FTO: variants seen among roughly 807,000 people sequenced by gnomAD.
FTO encodes the protein FTO alpha-ketoglutarate dependent dioxygenase, also known as alpha-ketoglutarate-dependent dioxygenase FTO.
In FTO, 47 loss-of-function variants were observed where a neutral mutation model predicts 63.9. The observed-to-expected ratio is 0.74, with a 90% confidence interval of 0.58 to 0.94. FTO has a LOEUF of 0.94. FTO is among the 40% of genes least tolerant of loss of function. FTO has a pLI of 0.00. For missense variants in FTO, 562 were observed against 618.1 expected, an observed-to-expected ratio of 0.91 and a Z score of 0.96; for synonymous variants, 207 against 224.4, an observed-to-expected ratio of 0.92 and a Z score of 0.69.
intron 7 of FTO, among the ~76,000 whole-genome samples, chr16:53,890,818 C>T (rs1224466958): frequency 1.3e-5 from 2 of 152,262 alleles, no homozygotes; most frequent in Admixed American, 1.3e-4. Context: ...GCTTCAATTT[C>T]AGGGCAACAT....
At chr16:54,051,055 CA>C (rs1567540397) in intron 8 of FTO, among the ~76,000 whole-genome samples, 2 of 152,144 alleles carry the variant, frequency 1.3e-5, no homozygotes, top group African/African-American at 2.4e-5. Context: ...TTTTCCTCTA[CA>C]AAAAGCGTTA....
intron 8 of FTO, among the ~76,000 whole-genome samples, chr16:54,095,487 C>G (rs1035805687): frequency 1.3e-5 from 2 of 151,368 alleles, no homozygotes; most frequent in African/African-American, 2.4e-5. Flanking sequence ...GAACACTTAT[C>G]TCTAGCAGAA....
At chr16:54,109,625 G>A (rs1039948714) in intron 8 of FTO, among the ~76,000 whole-genome samples, 4 of 152,258 alleles carry the variant, frequency 2.6e-5, no homozygotes, top group South Asian at 2.1e-4. Context: ...GAGCCACCAC[G>A]CCTGGCCCCA....
chr16:54,065,034 A>G (rs574610380), intron 8 of FTO, among the ~76,000 whole-genome samples: 2 of 152,260 alleles, frequency 1.3e-5, no homozygotes, highest in African/African-American at 4.8e-5. Flanking sequence ...TCTGGTCACA[A>G]TGGCCACTGT....
chr16:54,053,696 T>A (rs2085363937), intron 8 of FTO, among the ~76,000 whole-genome samples: 1 of 152,214 alleles, frequency 6.6e-6, no homozygotes, highest in Admixed American at 6.5e-5. Context: ...GTAACTGAGC[T>A]ATTTCAGATC....
intron 7 of FTO, among the ~76,000 whole-genome samples, chr16:53,927,167 T>C (rs1458976877): frequency 1.3e-5 from 2 of 152,110 alleles, no homozygotes; most frequent in East Asian, 3.9e-4. Context: ...CATTACATGG[T>C]CCAGAAGAGA....
intron 7 of FTO, among the ~76,000 whole-genome samples, chr16:53,899,138 G>T (rs1398719881): frequency 2.6e-5 from 4 of 152,002 alleles, no homozygotes; most frequent in African/African-American, 4.8e-5. Flanking sequence ...AATACTGAGG[G>T]CACAGAGGAC....
At chr16:54,009,742 C>A (rs2084294922) in intron 8 of FTO, among the ~76,000 whole-genome samples, 3 of 152,140 alleles carry the variant, frequency 2.0e-5, no homozygotes, top group Non-Finnish European at 4.4e-5. Context: ...TACCCTATCC[C>A]ACCTACGTCC....
chr16:53,793,053 A>G (rs1169251919), intron 1 of FTO, among the ~76,000 whole-genome samples: 1 of 152,208 alleles, frequency 6.6e-6, no homozygotes, highest in Non-Finnish European at 1.5e-5. Flanking sequence ...AGGAAATTAT[A>G]TTAGTAGTTT....
chr16:54,102,772 C>T (rs1258337994), intron 8 of FTO, among the ~76,000 whole-genome samples: 1 of 152,128 alleles, frequency 6.6e-6, no homozygotes, highest in Admixed American at 6.5e-5. Flanking sequence ...TCCAAGGCAG[C>T]AGGATGGCAT....
At chr16:54,096,307 A>G (rs190589905) in intron 8 of FTO, among the ~76,000 whole-genome samples, 3 of 152,278 alleles carry the variant, frequency 2.0e-5, no homozygotes, top group East Asian at 3.9e-4. Flanking sequence ...CAAAATGCAG[A>G]CTTGCTTTGG....
intron 4 of FTO, among the ~76,000 whole-genome samples, chr16:53,852,915 A>G (rs1285473048): frequency 6.6e-6 from 1 of 152,208 alleles, no homozygotes; most frequent in Non-Finnish European, 1.5e-5. Flanking sequence ...AGTGTTTGAT[A>G]AACACTGGCT....
At chr16:53,927,032 A>G (rs942991282) in intron 7 of FTO, among the ~76,000 whole-genome samples, 1 of 152,226 alleles carries the variant, frequency 6.6e-6, no homozygotes, top group African/African-American at 2.4e-5. Flanking sequence ...AACCACTATT[A>G]TAGGTGATGC....
intron 4 of FTO, among the ~76,000 whole-genome samples, chr16:53,870,668 C>G (rs2080468127): frequency 6.6e-6 from 1 of 152,122 alleles, no homozygotes; most frequent in African/African-American, 2.4e-5. Context: ...TGTGCTTTTT[C>G]ATGTGTTTTA....
chr16:54,096,973 C>CA (rs2086528484), intron 8 of FTO, among the ~76,000 whole-genome samples: 1 of 152,178 alleles, frequency 6.6e-6, no homozygotes, highest in African/African-American at 2.4e-5. Context: ...CTGGAGGCCC[C>CA]AAGATGGACT....
intron 1 of FTO, among the ~76,000 whole-genome samples, chr16:53,739,354 C>A (rs889108677): frequency 6.6e-6 from 1 of 151,344 alleles, no homozygotes; most frequent in Non-Finnish European, 1.5e-5. Flanking sequence ...TATAGGCGCC[C>A]GCCACCACAC....
chr16:53,950,570 C>T (rs1339199025), intron 8 of FTO, among the ~76,000 whole-genome samples: 1 of 152,148 alleles, frequency 6.6e-6, no homozygotes, highest in Admixed American at 6.5e-5. Context: ...AAATTTTAAT[C>T]CACGTGGAAG....
chr16:54,002,895 C>T (rs1452071118), intron 8 of FTO, among the ~76,000 whole-genome samples: 1 of 152,156 alleles, frequency 6.6e-6, no homozygotes, highest in African/African-American at 2.4e-5. Flanking sequence ...CTAAAAAGCA[C>T]AGGCTTTTGT....
chr16:53,943,024 CTT>C (rs1254544535), intron 8 of FTO, among the ~76,000 whole-genome samples: 1 of 152,108 alleles, frequency 6.6e-6, no homozygotes, highest in African/African-American at 2.4e-5. Flanking sequence ...CCATCCGGGT[CTT>C]TTTTAAGACA....
Sources: allele counts gnomAD v4.1 joint callset (sites outside exome capture counted in the v4.1 genomes callset), GRCh38; gene constraint gnomAD v4.1.1; transcripts MANE v1.5; gene names NCBI Gene and HGNC (gene_info 2026-07-23, HGNC 2026-07-21).